ZNF529: variants seen among roughly 807,000 people sequenced by gnomAD.
ZNF529 encodes zinc finger protein 529.
ZNF529 carries 11 observed loss-of-function variants against 10.1 expected under a neutral mutation model. The observed-to-expected ratio is 1.09, with a 90% CI of 0.69 to 1.81. The LOEUF is 1.81. ZNF529 is among the 40% of genes most tolerant of loss of function. The probability of loss-of-function intolerance (pLI) is 0.00; values close to 1 mark genes in which losing one functional copy is unlikely to be tolerated. For synonymous variants in ZNF529, 204 were observed against 215.7 expected, an observed-to-expected ratio of 0.95 and a Z score of 0.47; for missense variants, 624 against 666.8, an observed-to-expected ratio of 0.94 and a Z score of 0.71.
At position 36,548,198 on chromosome 19, in the gene ZNF529, T is replaced by A; in HGVS notation, c.360A>T (p.Arg120Ser). ...TCTTGCTTTTGCTTTGCCAGTCATT[T>A]CTGAAAATGGAACCTTCAAGGCCAC... is the stretch of plus-strand genomic sequence containing the variant. ...KLCGLEGSIF[R>S]NDWQSKSKID... The change falls in exon 5 of 5, where the codon AGA becomes AGT. Residue 120 changes from arginine (R) to serine (S), a missense_variant. Arg to Ser is a moderately radical substitution (Grantham distance 110). Transcript: ENST00000591340. 3 of 1,613,932 alleles carry A rather than the reference T, an allele frequency of 1.9e-6. No individual in the cohort carries two copies. The highest frequency in any genetic ancestry group is 2.5e-6 in the Non-Finnish European group (3 of 1,179,872).
chr19:36,566,071 A>C (rs985169462), intron 2 of ZNF529, among the ~76,000 whole-genome samples: 2 of 152,170 alleles, frequency 1.3e-5, no homozygotes, highest in Admixed American at 1.3e-4. Context: ...GCCTATTCCA[A>C]AGAAAGTTGT....
chr19:36,563,218 G>C (rs3111542), intron 2 of ZNF529, among the ~76,000 whole-genome samples: 1 of 151,838 alleles, frequency 6.6e-6, no homozygotes, highest in African/African-American at 2.4e-5. Context: ...TCAGGAGTTC[G>C]AGACCAGTCT....
intron 2 of ZNF529, among the ~76,000 whole-genome samples, chr19:36,558,879 A>G (rs1003486838): frequency 6.6e-6 from 1 of 152,058 alleles, no homozygotes; most frequent in African/African-American, 2.4e-5. Context: ...TGTGCAAATT[A>G]TATATCTGAC....
chr19:36,602,627 A>G (rs2036945177), intron 1 of ZNF529, among the ~76,000 whole-genome samples: 2 of 151,964 alleles, frequency 1.3e-5, no homozygotes, highest in South Asian at 4.2e-4. Context: ...GACTTGGGGG[A>G]AAAAAAGAAA....
chr19:36,566,933 G>A (rs1431954107), intron 2 of ZNF529, among the ~76,000 whole-genome samples: 2 of 151,432 alleles, frequency 1.3e-5, no homozygotes, highest in East Asian at 3.9e-4. Context: ...GGCAGGAGAA[G>A]CGCTGGAAGG....
intron 2 of ZNF529, among the ~76,000 whole-genome samples, chr19:36,579,038 T>A (rs906678252): frequency 4.6e-5 from 7 of 151,928 alleles, no homozygotes; most frequent in Non-Finnish European, 8.8e-5. Context: ...GGTGAAAACC[T>A]GTCTCTACTA....
chr19:36,552,583 T>C (rs1600254217), intron 4 of ZNF529, among the ~76,000 whole-genome samples: 2 of 152,208 alleles, frequency 1.3e-5, no homozygotes, highest in Admixed American at 6.5e-5. Flanking sequence ...CTATCACTGA[T>C]TGGCCATCAC....
chr19:36,562,252 T>G (rs895776258), intron 2 of ZNF529, among the ~76,000 whole-genome samples: 1 of 152,132 alleles, frequency 6.6e-6, no homozygotes, highest in Non-Finnish European at 1.5e-5. Flanking sequence ...TATTCCATTA[T>G]TATTCCATTG....
At chr19:36,572,509 G>A (rs1451252029) in intron 1 of ZNF529, 117 bp from the exon 2 acceptor site, 6 of 761,450 alleles carry the variant, frequency 7.9e-6, no homozygotes, top group Non-Finnish European at 1.3e-5. Flanking sequence ...ATCGAAGAGG[G>A]AAACTAGAAT....
intron 2 of ZNF529, among the ~76,000 whole-genome samples, 190 bp from the exon 3 acceptor site, chr19:36,556,387 C>A (rs2145809463): frequency 6.6e-6 from 1 of 152,270 alleles, no homozygotes; most frequent in Middle Eastern, 3.4e-3. Context: ...GAGAAAGACT[C>A]CACTCCAGAC....
At chr19:36,549,413 G>T (rs1393197763) in intron 4 of ZNF529, among the ~76,000 whole-genome samples, 1 of 151,918 alleles carries the variant, frequency 6.6e-6, no homozygotes, top group Admixed American at 6.6e-5. Flanking sequence ...CTGTATGAAT[G>T]AATCTAAATA....
intron 1 of ZNF529, chr19:36,594,070 A>G (rs1040281514): frequency 1.3e-5 from 2 of 152,204 alleles, no homozygotes; most frequent in Admixed American, 6.5e-5. Flanking sequence ...CACTCTGCTA[A>G]TGCTGACCTG....
intron 2 of ZNF529, chr19:36,582,806 T>C (rs2036499090): frequency 1.3e-5 from 2 of 151,464 alleles, no homozygotes; most frequent in African/African-American, 4.9e-5. Flanking sequence ...TATGTGAAGG[T>C]ATTTTAAAAA....
chr19:36,547,668 A>C lies in ZNF529; in HGVS notation c.890T>G (p.Leu297Arg), dbSNP rs1568571753. The change falls in exon 5 of 5, where the codon CTT (leucine) becomes CGT (arginine). Residue 297 changes from leucine (L) to arginine (R), a missense_variant. Transcript: ENST00000591340. ...CGKSFRVHAQ[L>R]TRHQKIHTDE... ...AGTATGGATTTTCTGATGTCGAGTA[A>C]GTTGTGCATGCACTCTAAAGGATTT... The C allele has an allele frequency of 2.5e-6, 4 of 1,613,746 alleles. No individual in the cohort carries two copies. Among genetic ancestry groups the C allele is most frequent in the Non-Finnish European group, 3.4e-6 (4 of 1,179,830 alleles).
Position 36,590,929 on chromosome 19 carries a change from C to CA in ZNF529, c.-127-1229dup, listed in dbSNP as rs34193887. The stretch of plus-strand genomic sequence containing the variant: ...TTGGCAACAGAGCAAGACTCCGTCT[C>CA]AAAAAAAAAAAAAAAAGAGTTGATA... On this transcript the variant is annotated intron_variant, in intron 1 of 4. Coordinates refer to the ZNF529 transcript ENST00000585960. Among the ~76,000 whole-genome samples the CA allele has an allele frequency of 1.6e-3, 170 of 105,906 alleles. 2 individuals carry two copies. Among genetic ancestry groups the CA allele is most frequent in the Admixed American group, 2.1e-3 (22 of 10,292 alleles). The allele number at this position is 105,906 out of a possible 152,430, so 69.5% of individuals were successfully genotyped here.
intron 4 of ZNF529, among the ~76,000 whole-genome samples, chr19:36,550,177 C>T (rs1369257802): frequency 3.3e-5 from 5 of 152,276 alleles, no homozygotes; most frequent in East Asian, 3.9e-4. Context: ...CAATATCTGA[C>T]GACAACATTA....
chr19:36,586,922 G>A (rs2036591208), intron 2 of ZNF529, among the ~76,000 whole-genome samples: 1 of 152,164 alleles, frequency 6.6e-6, no homozygotes, highest in Admixed American at 6.5e-5. Flanking sequence ...TAAGAAAAAA[G>A]ACGAGTATGC....
At position 36,547,464 on chromosome 19, in the gene ZNF529, G is replaced by A. The variant is rs1372518530; in HGVS notation, c.1094C>T (p.Pro365Leu). Reference protein sequence around the residue: ...EHQRIHTGEKPYACKECGKAF... With the variant: ...EHQRIHTGEKLYACKECGKAF... ...CTTCCCACATTCCTTACATGCATAA[G>A]GTTTCTCACCAGTGTGAATTCTCTG... Residue 365 changes from proline (P) to leucine (L), a missense_variant, in exon 5 of 5, where the codon CCT (proline) becomes CTT (leucine). Physicochemically the swap from Pro to Leu is moderately conservative, Grantham distance 98. Coordinates refer to ENST00000591340, the MANE Select transcript of ZNF529 (RefSeq NM_020951.5). 1.2e-6 allele frequency: 2 copies of A among 1,614,002 alleles called. No individual in the cohort carries two copies. Among genetic ancestry groups the A allele is most frequent in the East Asian group, 2.2e-5 (1 of 44,866 alleles).
Position 36,547,244 on chromosome 19 carries a change from A to C in ZNF529, c.1314T>G (p.Thr438=). 6.2e-7 allele frequency: 1 copy of C among 1,613,780 alleles called. No individual in the cohort carries two copies. Among genetic ancestry groups the C allele is most frequent in the Non-Finnish European group, 8.5e-7 (1 of 1,179,812 alleles). The change falls in exon 5 of 5, where the codon ACT becomes ACG. Residue 438 remains threonine, a synonymous_variant. Transcript: ENST00000591340. ...EKAFGVGSEL[T]RHERIHSGQK... is the part of the protein sequence containing the mutation. ...GACCACTGTGAATTCTTTCATGTCGAGTAAGTTCACTACCTACTCCAAATG... is the reference window on the plus strand; with the variant it reads ...GACCACTGTGAATTCTTTCATGTCGCGTAAGTTCACTACCTACTCCAAATG...
Sources: allele counts gnomAD v4.1 joint callset (sites outside exome capture counted in the v4.1 genomes callset), GRCh38; gene constraint gnomAD v4.1.1; transcripts MANE v1.5; gene names NCBI Gene and HGNC (gene_info 2026-07-23, HGNC 2026-07-21).